Variants in RAB31 observed in about 807,000 individuals in gnomAD.
The protein encoded by RAB31 is RAB31, member RAS oncogene family, also known as ras-related protein Rab-31.
In RAB31, 21 loss-of-function variants were observed where a neutral mutation model predicts 25.6. The observed-to-expected ratio is 0.82, with a 90% confidence interval of 0.58 to 1.18. The LOEUF (loss-of-function observed/expected upper bound fraction) is 1.18, where lower values mean the gene tolerates loss of function less well. Ranked by LOEUF, RAB31 falls within the 50% of genes most tolerant of loss-of-function variation. RAB31 has a pLI of 0.00. For synonymous variants in RAB31, 87 were observed against 84.0 expected, an observed-to-expected ratio of 1.04 and a Z score of -0.20; for missense variants, 196 against 250.1, an observed-to-expected ratio of 0.78 and a Z score of 1.46.
chr18:9,802,117 T>C (rs1310148088), intron 3 of RAB31, among the ~76,000 whole-genome samples: 4 of 152,262 alleles, frequency 2.6e-5, no homozygotes, highest in Non-Finnish European at 5.9e-5. Flanking sequence ...ATGTGAGTTC[T>C]CCAACTTCGT....
intron 5 of RAB31, among the ~76,000 whole-genome samples, chr18:9,842,182 A>G (rs538474798): frequency 6.4e-4 from 98 of 152,278 alleles, no homozygotes; most frequent in African/African-American, 2.3e-3. Flanking sequence ...GGACCCTCTC[A>G]AGCCTTGTGT....
At chr18:9,737,144 C>T (rs549519150) in intron 1 of RAB31, among the ~76,000 whole-genome samples, 7 of 152,236 alleles carry the variant, frequency 4.6e-5, no homozygotes, top group Admixed American at 3.3e-4. Context: ...TCTGCCCCTG[C>T]GACAAGGTCA....
At chr18:9,812,334 A>G (rs1456123203) in intron 3 of RAB31, among the ~76,000 whole-genome samples, 1 of 152,204 alleles carries the variant, frequency 6.6e-6, no homozygotes, top group Admixed American at 6.5e-5. Flanking sequence ...TGGTCACTCC[A>G]GTATATATTC....
chr18:9,720,350 G>A (rs2068067832), intron 1 of RAB31, among the ~76,000 whole-genome samples: 1 of 152,190 alleles, frequency 6.6e-6, no homozygotes, highest in Non-Finnish European at 1.5e-5. Flanking sequence ...AATGTCCTTG[G>A]CCTGCTAGGG....
Position 9,830,174 on chromosome 18 carries a change from T to A in RAB31, c.380+14952T>A, listed in dbSNP as rs187820382. The stretch of plus-strand genomic sequence containing the variant: ...CACCACCATACCCAGCTAATTTTTT[T>A]AAAAAAATTTATGTGTTTGTAGAGA... On this transcript the variant is annotated intron_variant, in intron 5 of 6. Transcript: ENST00000578921. 8.8e-3 allele frequency among the ~76,000 whole-genome samples: 1,338 copies of A among 152,008 alleles called. 27 individuals are homozygous for A. The highest frequency in any genetic ancestry group is 0.03 in the African/African-American group (1,252 of 41,442).
At chr18:9,793,737 G>A (rs1243271833) in intron 3 of RAB31, among the ~76,000 whole-genome samples, 3 of 152,072 alleles carry the variant, frequency 2.0e-5, no homozygotes, top group Non-Finnish European at 4.4e-5. Flanking sequence ...GCCAAGAGCT[G>A]TTAGCTTGAT....
At chr18:9,858,164 G>A (rs944281214) in intron 6 of RAB31, among the ~76,000 whole-genome samples, 3 of 152,212 alleles carry the variant, frequency 2.0e-5, no homozygotes, top group African/African-American at 7.2e-5. Flanking sequence ...AAGTCAAGGT[G>A]TAGATTATAA....
chr18:9,859,576 G>T lies in RAB31; in HGVS notation c.*251G>T. The T allele has an allele frequency of 2.4e-5, 7 of 286,194 alleles. No homozygotes were observed. Among genetic ancestry groups the T allele is most frequent in the South Asian group, 1.4e-4 (1 of 7,382 alleles). The allele number at this position is 286,194 out of a possible 1,614,324, so 17.7% of individuals were successfully genotyped here. On this transcript the variant is annotated 3_prime_UTR_variant, in exon 7 of 7. Coordinates refer to ENST00000578921, the MANE Select transcript of RAB31 (RefSeq NM_006868.4). ...ATGAAATGCACATGGAGGGGATGTA[G>T]TTGCATTTTTGCTAAAAAAAAAAAA...
At chr18:9,762,554 TAAG>T (rs963823862) in intron 1 of RAB31, among the ~76,000 whole-genome samples, 2 of 152,132 alleles carry the variant, frequency 1.3e-5, no homozygotes, top group African/African-American at 4.8e-5. Context: ...ATGATTTAAG[TAAG>T]AAACTGTGGT....
chr18:9,722,357 T>C (rs746860819), intron 1 of RAB31, among the ~76,000 whole-genome samples: 1 of 152,010 alleles, frequency 6.6e-6, no homozygotes, highest in African/African-American at 2.4e-5. Flanking sequence ...CATGATCCCA[T>C]GTAAGCTGTG....
At chr18:9,811,716 C>T (rs762471393) in intron 3 of RAB31, among the ~76,000 whole-genome samples, 1 of 152,052 alleles carries the variant, frequency 6.6e-6, no homozygotes, top group African/African-American at 2.4e-5. Context: ...GAGACATACT[C>T]CCACATACAT....
chr18:9,718,618 G>A (rs920037817), intron 1 of RAB31, among the ~76,000 whole-genome samples: 1 of 152,210 alleles, frequency 6.6e-6, no homozygotes. Context: ...TTATCAAGTA[G>A]TTTAGTCTTT....
chr18:9,743,768 C>A (rs1168759357), intron 1 of RAB31, among the ~76,000 whole-genome samples: 2 of 152,242 alleles, frequency 1.3e-5, no homozygotes, highest in African/African-American at 4.8e-5. Context: ...ATCTTGCAGC[C>A]AAGTCTGTTT....
chr18:9,841,710 C>T (rs199930166), intron 5 of RAB31, among the ~76,000 whole-genome samples: 1 of 152,076 alleles, frequency 6.6e-6, no homozygotes, highest in East Asian at 1.9e-4. Flanking sequence ...GCCTGCTAGT[C>T]GTTTCAAAGA....
intron 1 of RAB31, among the ~76,000 whole-genome samples, chr18:9,755,484 G>C (rs1342277933): frequency 6.6e-6 from 1 of 152,192 alleles, no homozygotes; most frequent in Non-Finnish European, 1.5e-5. Context: ...GTAAGCTAAG[G>C]CTGTACTTGA....
At chr18:9,716,407 C>T (rs1599009218) in intron 1 of RAB31, among the ~76,000 whole-genome samples, 2 of 152,216 alleles carry the variant, frequency 1.3e-5, no homozygotes, top group African/African-American at 4.8e-5. Context: ...AAGTGTCAGG[C>T]AGTGGTGTGT....
intron 1 of RAB31, chr18:9,735,469 C>T (rs559692497): frequency 7.0e-5 from 15 of 213,358 alleles, no homozygotes. Context: ...TGACATTTGT[C>T]AAAGTTGATC....
At chr18:9,803,193 AC>A (rs1281250728) in intron 3 of RAB31, among the ~76,000 whole-genome samples, 1 of 145,888 alleles carries the variant, frequency 6.9e-6, no homozygotes, top group Non-Finnish European at 1.5e-5. Flanking sequence ...CTCTCCTCCC[AC>A]CCTTTCACAA....
intron 5 of RAB31, among the ~76,000 whole-genome samples, chr18:9,835,028 A>G (rs1278617350): frequency 6.6e-6 from 1 of 152,200 alleles, no homozygotes; most frequent in Non-Finnish European, 1.5e-5. Flanking sequence ...TACTGTGTGC[A>G]TGTGTGTAGT....
Sources: gnomAD v4.1 joint callset for allele counts (sites outside exome capture counted in the v4.1 genomes callset) on GRCh38, gnomAD v4.1.1 for gene constraint, MANE v1.5 for transcripts, NCBI Gene and HGNC (gene_info 2026-07-23, HGNC 2026-07-21) for gene names.